RFC3: variants seen among roughly 807,000 people sequenced by gnomAD.
RFC3 encodes replication factor C subunit 3, also known as A1 38 kDa subunit.
RFC3 carries 41 observed loss-of-function variants against 45.1 expected under a neutral mutation model. That is an observed-to-expected ratio of 0.91 (90% CI 0.71 to 1.18). The LOEUF (loss-of-function observed/expected upper bound fraction) is 1.18, where lower values mean the gene tolerates loss of function less well. Ranked by LOEUF, RFC3 falls within the 50% of genes most tolerant of loss-of-function variation. The pLI is 0.00. For missense variants in RFC3, 423 were observed against 428.1 expected (o/e 0.99, Z 0.10); for synonymous variants, 149 against 144.0 (o/e 1.03, Z -0.25).
intron 8 of RFC3, among the ~76,000 whole-genome samples, chr13:33,929,182 G>C (rs1476329006): frequency 1.3e-5 from 2 of 152,086 alleles, no homozygotes; most frequent in African/African-American, 4.8e-5. Context: ...GACATTCCCA[G>C]TCATGAGGAA....
At chr13:33,962,739 A>G (rs1464356692) in intron 8 of RFC3, among the ~76,000 whole-genome samples, 1 of 152,176 alleles carries the variant, frequency 6.6e-6, no homozygotes, top group Non-Finnish European at 1.5e-5. Context: ...AGTTCCAAAT[A>G]GTGTTATGTA....
chr13:33,878,123 G>A (rs1211654588), intron 8 of RFC3, among the ~76,000 whole-genome samples: 1 of 152,064 alleles, frequency 6.6e-6, no homozygotes. Flanking sequence ...TGCTCAATAA[G>A]TAGTAACTGC....
At chr13:33,947,766 G>A (rs1469822401) in intron 8 of RFC3, among the ~76,000 whole-genome samples, 13 of 152,142 alleles carry the variant, frequency 8.5e-5, no homozygotes. Context: ...AACCTCTTGG[G>A]AACTGGAGCA....
chr13:33,866,197 G>A (rs955956132), intron 8 of RFC3, among the ~76,000 whole-genome samples: 7 of 152,210 alleles, frequency 4.6e-5, no homozygotes, highest in Non-Finnish European at 8.8e-5. Context: ...CTTCACCAAC[G>A]CTTTCACAAA....
At chr13:33,953,387 C>T (rs1047048023) in intron 8 of RFC3, among the ~76,000 whole-genome samples, 1 of 150,074 alleles carries the variant, frequency 6.7e-6, no homozygotes, top group Admixed American at 6.6e-5. Flanking sequence ...CTCCTGGAAG[C>T]CTTTCAATAG....
intron 8 of RFC3, among the ~76,000 whole-genome samples, chr13:33,932,339 A>G (rs1374944881): frequency 2.0e-5 from 3 of 152,184 alleles, no homozygotes; most frequent in African/African-American, 7.2e-5. Flanking sequence ...CAGAAATTCA[A>G]AAAGGGGAAG....
At chr13:33,966,452 A>C (rs1453970855) in exon 9 of RFC3, 3 of 345,040 alleles carry the variant, frequency 8.7e-6, no homozygotes, top group Non-Finnish European at 1.6e-5. Flanking sequence ...TTCCATCTGT[A>C]TCCCTACATC....
At chr13:33,964,514 G>A (rs1203730383) in intron 8 of RFC3, among the ~76,000 whole-genome samples, 1 of 152,152 alleles carries the variant, frequency 6.6e-6, no homozygotes, top group African/African-American at 2.4e-5. Flanking sequence ...CTGGCTATGG[G>A]AATCACAGTG....
intron 8 of RFC3, among the ~76,000 whole-genome samples, chr13:33,875,986 A>C (rs1244095257): frequency 6.6e-6 from 1 of 152,160 alleles, no homozygotes; most frequent in Non-Finnish European, 1.5e-5. Flanking sequence ...GTGTTTCATA[A>C]ATGTTAGCTA....
chr13:33,935,657 AAG>A (rs1275395706), intron 8 of RFC3, among the ~76,000 whole-genome samples: 1 of 152,178 alleles, frequency 6.6e-6, no homozygotes, highest in Non-Finnish European at 1.5e-5. Flanking sequence ...TTAAATAAAA[AAG>A]AGGTAATATA....
At chr13:33,818,365 G>A (rs2139365667) in intron 1 of RFC3, 100 bp downstream of exon 1, 1 of 892,474 alleles carries the variant, frequency 1.1e-6, no homozygotes, top group Non-Finnish European at 1.8e-6. Context: ...CGCATTGGAA[G>A]GTGATAAGTG....
At chr13:33,929,097 G>A (rs1487033988) in intron 8 of RFC3, among the ~76,000 whole-genome samples, 1 of 151,998 alleles carries the variant, frequency 6.6e-6, no homozygotes, top group African/African-American at 2.4e-5. Context: ...CTACCTAGTT[G>A]TTCGTAAAAT....
intron 8 of RFC3, among the ~76,000 whole-genome samples, chr13:33,901,005 C>T (rs9563913): frequency 0.088 from 13,368 of 151,842 alleles, 1,045 homozygotes; most frequent in African/African-American, 0.21. Flanking sequence ...CATTATCTCA[C>T]TTCAATTAAA....
At chr13:33,870,817 A>G (rs534390433) in intron 8 of RFC3, among the ~76,000 whole-genome samples, 12 of 152,246 alleles carry the variant, frequency 7.9e-5, no homozygotes, top group African/African-American at 1.2e-4. Context: ...TTATAAATGC[A>G]TTTAATATGC....
intron 7 of RFC3, among the ~76,000 whole-genome samples, chr13:33,831,565 T>C (rs1426304000): frequency 1.0e-5 from 1 of 97,286 alleles, no homozygotes; most frequent in Non-Finnish European, 1.7e-5. Context: ...AGCTGTAATA[T>C]CATGGCTTAC....
intron 8 of RFC3, among the ~76,000 whole-genome samples, chr13:33,878,911 C>T (rs1429414368): frequency 6.6e-6 from 1 of 152,012 alleles, no homozygotes; most frequent in African/African-American, 2.4e-5. Context: ...AAAACCCTGT[C>T]AGTTCATAAT....
At chr13:33,938,899 A>G (rs1202895643) in intron 8 of RFC3, among the ~76,000 whole-genome samples, 2 of 152,130 alleles carry the variant, frequency 1.3e-5, no homozygotes, top group African/African-American at 4.8e-5. Context: ...AAGCTCTTCA[A>G]TCTTTCAGGT....
At chr13:33,883,527 A>C (rs1242558793) in intron 8 of RFC3, among the ~76,000 whole-genome samples, 1 of 151,994 alleles carries the variant, frequency 6.6e-6, no homozygotes, top group Non-Finnish European at 1.5e-5. Flanking sequence ...CACACACACA[A>C]ACACTCACAC....
downstream of RFC3, among the ~76,000 whole-genome samples, chr13:33,970,591 G>A (rs1309986975): frequency 6.6e-6 from 1 of 152,244 alleles, no homozygotes; most frequent in Non-Finnish European, 1.5e-5. Flanking sequence ...GAATTTGAGT[G>A]CAGTAGTTCA....
Sources: allele counts gnomAD v4.1 joint callset (sites outside exome capture counted in the v4.1 genomes callset), GRCh38; gene constraint gnomAD v4.1.1; transcripts MANE v1.5; gene names NCBI Gene and HGNC (gene_info 2026-07-23, HGNC 2026-07-21).